PPP1CB: variants seen among roughly 807,000 people sequenced by gnomAD.
The protein encoded by PPP1CB is protein phosphatase 1 catalytic subunit beta, also known as serine/threonine-protein phosphatase PP1-beta catalytic subunit.
A neutral mutation model predicts 43.7 loss-of-function variants in PPP1CB; 2 were observed. The observed-to-expected ratio is 0.05, with a 90% CI of 0.02 to 0.14. The LOEUF (loss-of-function observed/expected upper bound fraction) is 0.14. Ranked by LOEUF, PPP1CB falls within the 10% of genes least tolerant of loss-of-function variation. PPP1CB has a pLI of 1.00. For missense variants in PPP1CB, 84 were observed against 398.0 expected, an observed-to-expected ratio of 0.21 and a Z score of 6.71; for synonymous variants, 136 against 135.6, an observed-to-expected ratio of 1.00 and a Z score of -0.02.
At chr2:28,792,566 A>G (rs764523826) in intron 6 of PPP1CB, among the ~76,000 whole-genome samples, 1 of 152,106 alleles carries the variant, frequency 6.6e-6, no homozygotes, top group African/African-American at 2.4e-5. Context: ...CATGAGTGCC[A>G]TTTGCTATGT....
At chr2:28,759,347 C>T (rs895820293) in intron 1 of PPP1CB, among the ~76,000 whole-genome samples, 3 of 152,022 alleles carry the variant, frequency 2.0e-5, no homozygotes, top group African/African-American at 7.2e-5. Context: ...GAAACCCCAT[C>T]TCTACTAAAA....
upstream of PPP1CB, chr2:28,751,702 T>A (rs1359066144): frequency 4.9e-5 from 11 of 224,600 alleles, no homozygotes; most frequent in African/African-American, 1.7e-4. Flanking sequence ...GGCCCAGGCG[T>A]CGAGGGGAGC....
intron 4 of PPP1CB, chr2:28,782,393 A>G (rs1198783160): frequency 1.9e-5 from 3 of 155,266 alleles, no homozygotes; most frequent in Non-Finnish European, 4.3e-5. Flanking sequence ...TAGATAGTGT[A>G]TGATCTGACC....
chr2:28,788,021 G>GTT (rs200559931), intron 5 of PPP1CB, among the ~76,000 whole-genome samples: 2 of 149,554 alleles, frequency 1.3e-5, no homozygotes, highest in Admixed American at 1.3e-4. Flanking sequence ...AGTAGAAAAT[G>GTT]TTTTTTTTTC....
intron 1 of PPP1CB, among the ~76,000 whole-genome samples, chr2:28,754,554 C>T (rs1435376822): frequency 6.6e-6 from 1 of 152,180 alleles, no homozygotes; most frequent in Admixed American, 6.5e-5. Flanking sequence ...TCTATCAGTA[C>T]TTCTTCATCC....
rs749740559 is a variant in PPP1CB at position 28,777,002 on chromosome 2, T to A, written c.184+20T>A. On this transcript the variant is annotated intron_variant, in intron 2 of 7. Coordinates refer to ENST00000395366, the MANE Select transcript of PPP1CB (RefSeq NM_002709.3). ...TTTGTGGTATGTAAATGGGTAAAGTTGGAAACAACTCTTTTGAATCATGTT... is the reference window on the plus strand; with the variant it reads ...TTTGTGGTATGTAAATGGGTAAAGTAGGAAACAACTCTTTTGAATCATGTT... 1.2e-6 allele frequency: 2 copies of A among 1,607,776 alleles called. No homozygotes were observed. The highest frequency in any genetic ancestry group is 3.3e-5 in the Admixed American group (2 of 59,736).
chr2:28,757,033 G>A (rs1308932477), intron 1 of PPP1CB, among the ~76,000 whole-genome samples: 1 of 152,084 alleles, frequency 6.6e-6, no homozygotes, highest in Non-Finnish European at 1.5e-5. Context: ...GTTCCCGGTA[G>A]CAGACACCCC....
At chr2:28,791,411 A>T (rs952301782) in intron 6 of PPP1CB, among the ~76,000 whole-genome samples, 1 of 149,246 alleles carries the variant, frequency 6.7e-6, no homozygotes, top group Non-Finnish European at 1.5e-5. Context: ...GCTCGCTGCA[A>T]CCTCCACCTC....
At chr2:28,786,205 C>T (rs1170241049) in intron 5 of PPP1CB, among the ~76,000 whole-genome samples, 2 of 152,052 alleles carry the variant, frequency 1.3e-5, no homozygotes, top group African/African-American at 4.8e-5. Flanking sequence ...CCTCCACCTC[C>T]CAGGTTCAAG....
chr2:28,751,739 G>T (rs769256473), upstream of PPP1CB: 6 of 274,066 alleles, frequency 2.2e-5, no homozygotes, highest in Non-Finnish European at 3.5e-5. Context: ...CCGCGCGCCT[G>T]CGCGGAGAGC....
intron 4 of PPP1CB, 60 bp downstream of exon 4, chr2:28,781,902 A>C (rs770875935): frequency 3.5e-6 from 4 of 1,135,752 alleles, no homozygotes; most frequent in Non-Finnish European, 5.3e-6. Flanking sequence ...GAAAATACCT[A>C]TAATAATCAA....
At chr2:28,755,939 G>A (rs942133395) in intron 1 of PPP1CB, among the ~76,000 whole-genome samples, 2 of 152,316 alleles carry the variant, frequency 1.3e-5, no homozygotes, top group Non-Finnish European at 1.5e-5. Flanking sequence ...TGAAAGGGCA[G>A]CATTCTTTCA....
chr2:28,779,157 G>A (rs948370831), intron 3 of PPP1CB, 118 bp downstream of exon 3: 26 of 691,790 alleles, frequency 3.8e-5, no homozygotes, highest in Admixed American at 6.0e-5. Flanking sequence ...TCAGGCATAG[G>A]CCAGGAAGAG....
intron 1 of PPP1CB, among the ~76,000 whole-genome samples, chr2:28,771,935 A>C (rs1304200379): frequency 6.6e-6 from 1 of 151,760 alleles, no homozygotes; most frequent in African/African-American, 2.4e-5. Context: ...GAAAAAGTCC[A>C]GTTTTAAAGA....
intron 1 of PPP1CB, among the ~76,000 whole-genome samples, chr2:28,769,483 T>C (rs1666855610): frequency 6.6e-6 from 1 of 152,182 alleles, no homozygotes; most frequent in Admixed American, 6.5e-5. Context: ...TATCCTTCAA[T>C]AGTAAAGTAA....
intron 1 of PPP1CB, among the ~76,000 whole-genome samples, chr2:28,771,791 AAT>A (rs1468667015): frequency 2.6e-4 from 40 of 152,304 alleles, no homozygotes; most frequent in Admixed American, 1.2e-3. Context: ...AACATAAGGA[AAT>A]ATGTTTAGAG....
chr2:28,759,894 C>G (rs1325787267), intron 1 of PPP1CB, among the ~76,000 whole-genome samples: 1 of 152,158 alleles, frequency 6.6e-6, no homozygotes, highest in Non-Finnish European at 1.5e-5. Flanking sequence ...GTTGGGATTA[C>G]AGGCTTGAGT....
At chr2:28,759,971 C>T (rs890180910) in intron 1 of PPP1CB, among the ~76,000 whole-genome samples, 1 of 152,110 alleles carries the variant, frequency 6.6e-6, no homozygotes, top group African/African-American at 2.4e-5. Context: ...CAGGCATGTC[C>T]TTCAGGTGGC....
intron 1 of PPP1CB, among the ~76,000 whole-genome samples, chr2:28,762,655 A>G (rs1426259255): frequency 2.6e-5 from 4 of 152,212 alleles, no homozygotes; most frequent in South Asian, 2.1e-4. Flanking sequence ...AATTATATCC[A>G]TGAATTTTTA....
Sources: allele counts gnomAD v4.1 joint callset (sites outside exome capture counted in the v4.1 genomes callset), GRCh38; gene constraint gnomAD v4.1.1; transcripts MANE v1.5; gene names NCBI Gene and HGNC (gene_info 2026-07-23, HGNC 2026-07-21).